The following ATP8B4 variants were observed in gnomAD, a reference collection of about 807,000 sequenced individuals.
ATP8B4 encodes ATPase phospholipid transporting 8B4 (putative).
A neutral mutation model predicts 145.6 loss-of-function variants in ATP8B4; 133 were observed. The ratio of observed to expected loss-of-function variants is 0.91; its 90% CI spans 0.79 to 1.05. ATP8B4 has a LOEUF of 1.05. ATP8B4 is among the 50% of genes least tolerant of loss of function. The pLI is 0.00. For missense variants in ATP8B4, 1,458 were observed against 1,425.2 expected (o/e 1.02, Z -0.37); for synonymous variants, 507 against 492.9 (o/e 1.03, Z -0.38).
intron 3 of ATP8B4, among the ~76,000 whole-genome samples, chr15:50,058,770 G>T (rs536056242): frequency 1.3e-5 from 2 of 151,994 alleles, no homozygotes; most frequent in South Asian, 4.2e-4. Context: ...GCCTTTCCTG[G>T]TCTCCAGCCC....
intron 1 of ATP8B4, among the ~76,000 whole-genome samples, chr15:50,166,431 G>A (rs919252379): frequency 1.1e-4 from 17 of 152,202 alleles, no homozygotes; most frequent in African/African-American, 4.1e-4. Context: ...GTAGTCATCA[G>A]AGAGAATAAT....
In ATP8B4 at chr15:49,901,189, T is replaced by C. The variant is rs778228184; in HGVS notation, c.2192A>G (p.His731Arg). ...FGQNRNFSNGHVVCEKKQQLE... is the reference protein window; with the variant it reads ...FGQNRNFSNGRVVCEKKQQLE... ...CTGCTGCTTTTTTTCACAAACTACA[T>C]GGCCATTGGAAAAATTTCTGTTTTG... is the stretch of plus-strand genomic sequence containing the variant. The change falls in exon 21 of 28, where the codon CAT (histidine) becomes CGT (arginine). Residue 731 changes from histidine to arginine, a missense_variant. Coordinates refer to ENST00000284509, the MANE Select transcript of ATP8B4 (RefSeq NM_024837.4). 40 of 1,613,576 alleles carry C rather than the reference T, an allele frequency of 2.5e-5. No individual in the cohort carries two copies. The highest frequency in any genetic ancestry group is 3.4e-5 in the Non-Finnish European group (40 of 1,179,650).
At chr15:49,994,288 A>G (rs78470595) in intron 9 of ATP8B4, among the ~76,000 whole-genome samples, 10,101 of 152,208 alleles carry the variant, frequency 0.066, 361 homozygotes, top group Non-Finnish European at 0.085. Flanking sequence ...CCACTTCAGG[A>G]AGCTAAAGCT....
At chr15:49,886,095 G>A (rs1393498950) in intron 23 of ATP8B4, among the ~76,000 whole-genome samples, 1 of 152,118 alleles carries the variant, frequency 6.6e-6, no homozygotes, top group Non-Finnish European at 1.5e-5. Flanking sequence ...TTTATATGCT[G>A]GTTCCTAGCC....
At chr15:50,090,151 G>A (rs1293498469) in intron 2 of ATP8B4, among the ~76,000 whole-genome samples, 2 of 152,086 alleles carry the variant, frequency 1.3e-5, no homozygotes, top group Middle Eastern at 3.2e-3. Flanking sequence ...TTACAAGTGG[G>A]AGCTGAACAG....
chr15:49,996,149 T>C (rs1349279181), intron 9 of ATP8B4, among the ~76,000 whole-genome samples: 1 of 152,064 alleles, frequency 6.6e-6, no homozygotes, highest in East Asian at 1.9e-4. Flanking sequence ...AAAATAAAAG[T>C]CAACAGATGA....
intron 22 of ATP8B4, 21 bp from the exon 23 acceptor site, chr15:49,897,536 C>T (rs762255759): frequency 1.4e-6 from 2 of 1,475,808 alleles, no homozygotes; most frequent in African/African-American, 2.8e-5. Context: ...AAGAGGAACA[C>T]TGTCACTCCC....
At chr15:49,978,115 T>C (rs1242060858) in intron 12 of ATP8B4, among the ~76,000 whole-genome samples, 1 of 152,190 alleles carries the variant, frequency 6.6e-6, no homozygotes, top group African/African-American at 2.4e-5. Context: ...CCAATGTACT[T>C]CAAAGAAAGA....
intron 16 of ATP8B4, among the ~76,000 whole-genome samples, chr15:49,927,184 T>C (rs1409917689): frequency 6.6e-6 from 1 of 152,146 alleles, no homozygotes; most frequent in Non-Finnish European, 1.5e-5. Flanking sequence ...AAATCCTTTA[T>C]AGAAATCAAT....
chr15:50,051,360 G>A (rs546574806), intron 3 of ATP8B4, among the ~76,000 whole-genome samples: 1 of 152,244 alleles, frequency 6.6e-6, no homozygotes, highest in Admixed American at 6.5e-5. Context: ...CCAGTCTCAG[G>A]TATGTCTTTA....
At chr15:49,965,639 A>G (rs543799320) in intron 13 of ATP8B4, among the ~76,000 whole-genome samples, 2 of 152,312 alleles carry the variant, frequency 1.3e-5, no homozygotes, top group South Asian at 4.1e-4. Context: ...CTGGCCATTC[A>G]AGGCAGCCCC....
chr15:49,897,504 C>T lies in ATP8B4; in HGVS notation c.2485G>A (p.Gly829Ser), dbSNP rs1467832789. 6.4e-7 allele frequency: 1 copy of T among 1,552,952 alleles called. No individual in the cohort carries two copies. The highest frequency in any genetic ancestry group is 2.0e-5 in the Admixed American group (1 of 50,840). The change falls in exon 23 of 28, where the codon GGT (glycine) becomes AGT (serine). Residue 829 changes from glycine (G) to serine (S), a missense_variant. Transcript: ENST00000284509. ...CCTTCCTGGCCGCTGATGCCAACAC[C>T]AATGTGAGCACCTACAAAGGAAAGA... ...DVSMIKSAHI[G>S]VGISGQEGLQ... is the part of the protein sequence containing the mutation.
chr15:50,131,376 AG>A (rs942116127), intron 1 of ATP8B4, among the ~76,000 whole-genome samples: 27 of 152,232 alleles, frequency 1.8e-4, no homozygotes, highest in African/African-American at 6.3e-4. Context: ...AGAGAAACAG[AG>A]AGGTTAAAGA....
intron 1 of ATP8B4, among the ~76,000 whole-genome samples, chr15:50,148,130 G>A (rs2044302742): frequency 6.6e-6 from 1 of 152,060 alleles, no homozygotes; most frequent in African/African-American, 2.4e-5. Context: ...TAGTGTTCCT[G>A]CCAAACTGCA....
chr15:50,131,085 G>C (rs2057342858), intron 1 of ATP8B4, among the ~76,000 whole-genome samples: 1 of 151,942 alleles, frequency 6.6e-6, no homozygotes, highest in South Asian at 2.1e-4. Context: ...AAAACCATCA[G>C]ATCTCATGAG....
At chr15:50,171,253 C>T (rs901902821) in intron 1 of ATP8B4, among the ~76,000 whole-genome samples, 1 of 152,174 alleles carries the variant, frequency 6.6e-6, no homozygotes, top group Non-Finnish European at 1.5e-5. Flanking sequence ...ACAGAATATA[C>T]ACTCTATTCA....
intron 7 of ATP8B4, among the ~76,000 whole-genome samples, chr15:50,004,204 G>A (rs1198750917): frequency 3.3e-5 from 5 of 152,192 alleles, no homozygotes; most frequent in African/African-American, 9.7e-5. Flanking sequence ...CCTTCAAGGC[G>A]TTAATTCATT....
Position 49,972,779 on chromosome 15 carries a change from A to G in ATP8B4, c.1046T>C (p.Ile349Thr). ...PISLYVSVEV[I>T]RLGHSYFINW... ...TATAAAATAACTGTGTCCTAGACGA[A>G]TTACTTCCACACTATCATCCATTAA... The change falls in exon 13 of 28, where the codon ATT becomes ACT. Residue 349 changes from isoleucine (I) to threonine (T), a missense_variant. Coordinates refer to ENST00000284509, the MANE Select transcript of ATP8B4 (RefSeq NM_024837.4). The G allele has an allele frequency of 6.2e-7, 1 of 1,613,580 alleles. No homozygotes were observed. The highest frequency in any genetic ancestry group is 2.2e-5 in the East Asian group (1 of 44,874).
chr15:50,158,096 G>A (rs1216394962), intron 1 of ATP8B4, among the ~76,000 whole-genome samples: 2 of 152,142 alleles, frequency 1.3e-5, no homozygotes, highest in Non-Finnish European at 1.5e-5. Flanking sequence ...GCGTGATCTC[G>A]GCTCGCTACA....
Sources: allele counts gnomAD v4.1 joint callset (sites outside exome capture counted in the v4.1 genomes callset), GRCh38; gene constraint gnomAD v4.1.1; transcripts MANE v1.5; gene names NCBI Gene and HGNC (gene_info 2026-07-23, HGNC 2026-07-21).